Variants in MYRIP observed in about 807,000 individuals in gnomAD.
The protein encoded by MYRIP is rab effector MyRIP.
Under a neutral mutation model 98.0 loss-of-function variants are expected in MYRIP, and 49 were observed. The ratio of observed to expected loss-of-function variants is 0.50; its 90% CI spans 0.40 to 0.63. The LOEUF is 0.63. MYRIP is among the 30% of genes least tolerant of loss of function. MYRIP has a pLI of 0.00. For missense variants in MYRIP, 1,004 were observed against 1,058.2 expected (o/e 0.95, Z 0.71); for synonymous variants, 404 against 409.5 (o/e 0.99, Z 0.16).
intron 3 of MYRIP, among the ~76,000 whole-genome samples, chr3:40,070,470 G>A (rs1172444959): frequency 6.6e-6 from 1 of 152,132 alleles, no homozygotes; most frequent in Non-Finnish European, 1.5e-5. Context: ...GGCAAATGAG[G>A]TATAATTCTT....
chr3:39,956,072 A>G (rs4386434), intron 2 of MYRIP, among the ~76,000 whole-genome samples: 38,017 of 152,012 alleles, frequency 0.25, 5,516 homozygotes, highest in Middle Eastern at 0.36. Context: ...CCCACACAAT[A>G]ATAATGGGAG....
intron 1 of MYRIP, among the ~76,000 whole-genome samples, chr3:39,841,411 C>G (rs1381449615): frequency 6.6e-6 from 1 of 152,110 alleles, no homozygotes; most frequent in Non-Finnish European, 1.5e-5. Flanking sequence ...GCTCCTTTAG[C>G]TCGGAGGAGT....
intron 1 of MYRIP, among the ~76,000 whole-genome samples, chr3:39,858,805 A>G (rs1463960736): frequency 1.3e-5 from 2 of 152,152 alleles, no homozygotes; most frequent in Admixed American, 1.3e-4. Flanking sequence ...CAAATAATAA[A>G]TCAAAAGGGA....
chr3:40,017,635 A>G (rs932545396), intron 2 of MYRIP, among the ~76,000 whole-genome samples: 1 of 152,022 alleles, frequency 6.6e-6, no homozygotes, highest in East Asian at 1.9e-4. Flanking sequence ...TCATTTAATC[A>G]GGTAGATTTC....
At chr3:39,949,855 T>TG (rs1412434565) in intron 2 of MYRIP, among the ~76,000 whole-genome samples, 1 of 152,180 alleles carries the variant, frequency 6.6e-6, no homozygotes, top group African/African-American at 2.4e-5. Context: ...TCTCCTGTCT[T>TG]GGGTTCCAGT....
At chr3:39,959,647 A>G (rs1456678165) in intron 2 of MYRIP, among the ~76,000 whole-genome samples, 1 of 151,430 alleles carries the variant, frequency 6.6e-6, no homozygotes, top group East Asian at 1.9e-4. Flanking sequence ...CATTGTGCAC[A>G]TGTACCCTAG....
chr3:39,821,411 C>T (rs981325659), intron 1 of MYRIP, among the ~76,000 whole-genome samples: 1 of 152,020 alleles, frequency 6.6e-6, no homozygotes, highest in Non-Finnish European at 1.5e-5. Flanking sequence ...TCAGACTTTC[C>T]AAAGAACCAA....
At chr3:40,227,263 G>A (rs1952515966) in intron 11 of MYRIP, among the ~76,000 whole-genome samples, 1 of 152,110 alleles carries the variant, frequency 6.6e-6, no homozygotes, top group Non-Finnish European at 1.5e-5. Flanking sequence ...GTTTTTTCAG[G>A]GTCCCCTCGA....
chr3:40,125,735 C>T (rs1051590802), intron 3 of MYRIP, among the ~76,000 whole-genome samples: 3 of 152,166 alleles, frequency 2.0e-5, no homozygotes, highest in African/African-American at 7.2e-5. Flanking sequence ...GGAGCAGCTG[C>T]GGGTAAATCA....
chr3:40,127,763 C>T (rs2679826), intron 3 of MYRIP, among the ~76,000 whole-genome samples: 1,715 of 152,280 alleles, frequency 0.011, 25 homozygotes, highest in South Asian at 0.022. Context: ...ACTACAGACA[C>T]GGTACAGCGT....
chr3:39,891,511 TG>T (rs1943487305), intron 1 of MYRIP, among the ~76,000 whole-genome samples: 1 of 152,118 alleles, frequency 6.6e-6, no homozygotes, highest in African/African-American at 2.4e-5. Context: ...CTATAAAATG[TG>T]GGGTAGTAAA....
chr3:40,220,322 A>G (rs1362293962), intron 11 of MYRIP, among the ~76,000 whole-genome samples: 1 of 152,162 alleles, frequency 6.6e-6, no homozygotes, highest in Non-Finnish European at 1.5e-5. Context: ...TTTGCTGTGC[A>G]GAAGCTGTTT....
chr3:39,878,913 A>G (rs2125642037), intron 1 of MYRIP, among the ~76,000 whole-genome samples: 1 of 151,592 alleles, frequency 6.6e-6, no homozygotes, highest in East Asian at 1.9e-4. Flanking sequence ...AAAAAAAAAA[A>G]AAAATAGCTG....
intron 3 of MYRIP, 135 bp from the exon 4 acceptor site, chr3:40,150,913 A>G: frequency 1.2e-6 from 1 of 813,172 alleles, no homozygotes; most frequent in South Asian, 2.6e-5. Flanking sequence ...GGTCAGAGAA[A>G]GTCACAAGGC....
At chr3:40,236,527 G>C (rs772572022) in intron 12 of MYRIP, among the ~76,000 whole-genome samples, 4 of 152,164 alleles carry the variant, frequency 2.6e-5, no homozygotes, top group Non-Finnish European at 5.9e-5. Context: ...ATATTTGCTA[G>C]TAATGGATTT....
chr3:40,024,570 G>GGT (rs1559368974), intron 2 of MYRIP, among the ~76,000 whole-genome samples: 2 of 145,990 alleles, frequency 1.4e-5, no homozygotes, highest in African/African-American at 2.5e-5. Flanking sequence ...CTTTTTGTGG[G>GGT]TTTTTTTTTT....
chr3:40,135,837 A>C (rs944540740), intron 3 of MYRIP, among the ~76,000 whole-genome samples: 359 of 152,356 alleles, frequency 2.4e-3, no homozygotes, highest in Non-Finnish European at 3.5e-3. Flanking sequence ...AAATGCTGAG[A>C]GATTTTGTCA....
chr3:40,170,058 T>G lies in MYRIP; in HGVS notation c.838T>G (p.Ser280Ala). The change falls in exon 8 of 17, where the codon TCC (serine) becomes GCC (alanine). Residue 280 changes from serine (S) to alanine (A), a missense_variant. Ser to Ala is a moderately conservative substitution (Grantham distance 99). Around this residue, in one of 3 missense-constraint regions of MYRIP, gnomAD observed 880 missense variants for 907.7 expected, o/e 0.97. Coordinates refer to ENST00000302541, the MANE Select transcript of MYRIP (RefSeq NM_015460.4). ...TKVADEGTSA[S>A]PGGYRAPAAL... ...GGTGGCAGATGAGGGGACCTCAGCATCCCCTGGAGGCTACCGTGCTCCCGC... is the reference window on the plus strand; with the variant it reads ...GGTGGCAGATGAGGGGACCTCAGCAGCCCCTGGAGGCTACCGTGCTCCCGC... 1 of 1,614,186 alleles carries G rather than the reference T, an allele frequency of 6.2e-7. No individual in the cohort carries two copies. Among genetic ancestry groups the G allele is most frequent in the Non-Finnish European group, 8.5e-7 (1 of 1,180,030 alleles).
intron 1 of MYRIP, among the ~76,000 whole-genome samples, chr3:39,863,292 CG>C (rs1375925010): frequency 7.9e-5 from 12 of 151,602 alleles, no homozygotes; most frequent in Non-Finnish European, 1.2e-4. Flanking sequence ...GAAGACAAGA[CG>C]TTAACAAAAT....
Sources: allele counts gnomAD v4.1 joint callset (sites outside exome capture counted in the v4.1 genomes callset), GRCh38; gene constraint gnomAD v4.1.1; regional missense constraint gnomAD v4.1.1; transcripts MANE v1.5; gene names NCBI Gene and HGNC (gene_info 2026-07-23, HGNC 2026-07-21).